The following MAX variants were observed in gnomAD, a reference collection of about 807,000 sequenced individuals.
MAX encodes the protein MYC associated transcriptional regulator X, also known as protein max.
A neutral mutation model predicts 22.3 loss-of-function variants in MAX; 3 were observed. The ratio of observed to expected loss-of-function variants is 0.13; its 90% CI spans 0.06 to 0.35. The LOEUF is 0.35. MAX is among the 10% of genes least tolerant of loss of function. The pLI is 1.00. For synonymous variants in MAX, 72 were observed against 77.7 expected, an observed-to-expected ratio of 0.93 and a Z score of 0.39; for missense variants, 119 against 209.4, an observed-to-expected ratio of 0.57 and a Z score of 2.66.
chr14:65,068,609 A>C (rs2062955794), intron 3 of MAX, among the ~76,000 whole-genome samples: 1 of 151,886 alleles, frequency 6.6e-6, no homozygotes, highest in Admixed American at 6.6e-5. Flanking sequence ...TACATTATTT[A>C]TTTTGTTGCT....
downstream of MAX, among the ~76,000 whole-genome samples, chr14:65,070,669 G>A (rs774110582): frequency 5.3e-5 from 8 of 152,192 alleles, no homozygotes; most frequent in Non-Finnish European, 8.8e-5. This position sits in a 1 kb window ranked among gnomAD's most constrained non-coding sequence, Gnocchi z 4.4. Context: ...TAGAGCATGC[G>A]GGCCCCTCGG....
In MAX at chr14:65,100,162, G is replaced by A. The variant is rs144104223; in HGVS notation, c.63+1384C>T. ...GATTTCTAATCTTTCTTAAAAAATAGGAAGATCGGCTGGGCGTGGTGGCTC... is the reference window on the plus strand; with the variant it reads ...GATTTCTAATCTTTCTTAAAAAATAAGAAGATCGGCTGGGCGTGGTGGCTC... On this transcript the variant is annotated intron_variant, in intron 2 of 4. Coordinates refer to ENST00000358664, the MANE Select transcript of MAX (RefSeq NM_002382.5). Among the ~76,000 whole-genome samples the A allele has an allele frequency of 1.1e-3, 170 of 152,242 alleles. 2 individuals carry two copies. The highest frequency in any genetic ancestry group is 1.5e-3 in the East Asian group (8 of 5,188).
rs764782528 is a variant in MAX, at chr14:65,029,923, G to T, written c.172-23639C>A. On this transcript the variant is annotated intron_variant, in intron 3 of 3. Coordinates refer to the MAX transcript ENST00000341653. This position sits in a 1 kb window ranked among gnomAD's most constrained non-coding sequence, Gnocchi z 4.7. ...AGAGAGAGCAGGAAGACTGATCCAGGTTGAAGAAGGCTTGGATTTGGGTGA... is the reference window on the plus strand; with the variant it reads ...AGAGAGAGCAGGAAGACTGATCCAGTTTGAAGAAGGCTTGGATTTGGGTGA... Among the ~76,000 whole-genome samples, 3 of 152,234 alleles carry T rather than the reference G, an allele frequency of 2.0e-5. No homozygotes were observed. The highest frequency in any genetic ancestry group is 4.4e-5 in the Non-Finnish European group (3 of 68,046).
Position 65,012,317 on chromosome 14 carries a change from G to A in MAX, c.172-6033C>T, listed in dbSNP as rs200043511. 267 of 1,613,964 alleles carry A rather than the reference G, an allele frequency of 1.7e-4. No individual in the cohort carries two copies. Among genetic ancestry groups the A allele is most frequent in the Non-Finnish European group, 2.2e-4 (254 of 1,179,974 alleles). ...GCTTATAAACTGTTTGTCTTTCCAG[G>A]CTTGTTTTGCAGAGGGAGAAGCACT... On this transcript the variant is annotated intron_variant, in intron 3 of 3. Transcript: ENST00000341653. This position sits in a 1 kb window ranked among gnomAD's most constrained non-coding sequence, Gnocchi z 5.0.
rs151222934 is a variant in MAX, at chr14:65,051,940, G to A, written c.171+41768C>T. 4.7e-3 allele frequency among the ~76,000 whole-genome samples: 712 copies of A among 151,660 alleles called. 14 individuals carry two copies. The highest frequency in any genetic ancestry group is 0.043 in the South Asian group (206 of 4,768). On this transcript the variant is annotated intron_variant, in intron 3 of 3. Coordinates refer to the MAX transcript ENST00000341653. ...CTCCTGAGTAGCTGGGACTACAGGC[G>A]CCCACCACCATGTCCGGCTAATTTT... is the stretch of plus-strand genomic sequence containing the variant.
chr14:65,017,146 C>G (rs868745088), intron 3 of MAX, among the ~76,000 whole-genome samples: 5 of 152,066 alleles, frequency 3.3e-5, no homozygotes, highest in African/African-American at 7.3e-5. Flanking sequence ...TGGTCTTGAA[C>G]TCCTGACCTC....
At chr14:65,057,629 T>C (rs1195080690) in intron 3 of MAX, among the ~76,000 whole-genome samples, 1 of 152,206 alleles carries the variant, frequency 6.6e-6, no homozygotes. Flanking sequence ...ATGAAGGGAA[T>C]GAACAAGGCA....
At position 65,032,569 on chromosome 14, in the gene MAX, T is replaced by C. The variant is rs1283517701; in HGVS notation, c.172-26285A>G. The C allele has an allele frequency of 6.2e-7, 1 of 1,607,014 alleles. No homozygotes were observed. The highest frequency in any genetic ancestry group is 1.3e-5 in the African/African-American group (1 of 74,648). ...GGAGTTCACTGAGCCTCATTAGCTC[T>C]TCCGTAGAGCTTAATGTGTTTCCCG... is the stretch of plus-strand genomic sequence containing the variant. On this transcript the variant is annotated intron_variant, in intron 3 of 3. Coordinates refer to the MAX transcript ENST00000341653. This position sits in a 1 kb window ranked among gnomAD's most constrained non-coding sequence, Gnocchi z 5.0.
downstream of MAX, among the ~76,000 whole-genome samples, chr14:65,073,589 A>C (rs2063010915): frequency 6.6e-6 from 1 of 152,182 alleles, no homozygotes; most frequent in Admixed American, 6.5e-5. Flanking sequence ...GTTTTGTGTA[A>C]GTGAGTGTCC....
At chr14:65,097,863 G>C (rs1158447780) in intron 2 of MAX, among the ~76,000 whole-genome samples, 3 of 152,158 alleles carry the variant, frequency 2.0e-5, no homozygotes, top group Non-Finnish European at 4.4e-5. Flanking sequence ...CTCCCTAAGA[G>C]AAAGACATGG....
intron 3 of MAX, among the ~76,000 whole-genome samples, chr14:65,035,447 C>G (rs932307979): frequency 6.6e-6 from 1 of 152,174 alleles, no homozygotes; most frequent in East Asian, 1.9e-4. Flanking sequence ...AGACTAGATA[C>G]GGAACTCAGA....
chr14:65,054,262 G>C lies in MAX; in HGVS notation c.171+39446C>G, dbSNP rs556389344. Among the ~76,000 whole-genome samples the C allele has an allele frequency of 7.2e-5, 11 of 152,126 alleles. No individual in the cohort carries two copies. Among genetic ancestry groups the C allele is most frequent in the Middle Eastern group, 3.4e-3 (1 of 294 alleles). ...CAAGTAACTGGAATTACAGGCATCG[G>C]CCACCACACCTAGCTAATTTTTAAT... On this transcript the variant is annotated intron_variant, in intron 3 of 3. Coordinates refer to the MAX transcript ENST00000341653. The surrounding 1 kb of genome is among the most constrained non-coding windows in gnomAD (Gnocchi z 4.4).
In MAX at chr14:65,029,965, A is replaced by C. The variant is rs1184154917; in HGVS notation, c.172-23681T>G. Among the ~76,000 whole-genome samples the C allele has an allele frequency of 6.6e-6, 1 of 152,172 alleles. No homozygotes were observed. The highest frequency in any genetic ancestry group is 6.5e-5 in the Admixed American group (1 of 15,276). On this transcript the variant is annotated intron_variant, in intron 3 of 3. Transcript: ENST00000341653. The surrounding 1 kb of genome is among the most constrained non-coding windows in gnomAD (Gnocchi z 4.7). ...TTTGGGTGATGGCAGCAAGGATGGA[A>C]AGTTAGTGGACAAATTCAAATTTGA...
intron 3 of MAX, chr14:65,015,774 A>G: frequency 6.3e-7 from 1 of 1,579,296 alleles, no homozygotes; most frequent in South Asian, 1.1e-5. Context: ...TGAGTTTGGG[A>G]TTTTGTTTTG....
Position 65,079,840 on chromosome 14 carries a change from G to C in MAX, c.172-1804C>G, listed in dbSNP as rs1595134899. On this transcript the variant is annotated intron_variant, in intron 3 of 4. Transcript: ENST00000358664. The surrounding 1 kb of genome is among the most constrained non-coding windows in gnomAD (Gnocchi z 4.5). ...TATTCATAAGTCCTCACAAGTACTA[G>C]AATTTCCAGGCTTTCCTCTTTAGCA... 6.6e-6 allele frequency among the ~76,000 whole-genome samples: 1 copy of C among 152,222 alleles called. No individual in the cohort carries two copies. Among genetic ancestry groups the C allele is most frequent in the African/African-American group, 2.4e-5 (1 of 41,456 alleles).
chr14:65,041,491 A>G (rs2062351973), intron 3 of MAX, among the ~76,000 whole-genome samples: 1 of 152,132 alleles, frequency 6.6e-6, no homozygotes, highest in South Asian at 2.1e-4. Context: ...GTGCACAAAC[A>G]CACACACCTC....
chr14:65,063,672 T>C (rs1031695831), intron 3 of MAX, among the ~76,000 whole-genome samples: 3 of 152,130 alleles, frequency 2.0e-5, no homozygotes, highest in African/African-American at 7.2e-5. Context: ...TCAGAAGATC[T>C]TCCTGCCTTA....
rs993117736 is a variant in MAX at position 65,031,551 on chromosome 14, C to T, written c.172-25267G>A. Among the ~76,000 whole-genome samples the T allele has an allele frequency of 4.0e-5, 6 of 150,764 alleles. No individual in the cohort carries two copies. Among genetic ancestry groups the T allele is most frequent in the Non-Finnish European group, 5.9e-5 (4 of 67,510 alleles). ...CAGGTTGGTCTTGAACTCCTGGCCT[C>T]GTGATCCACCTGCCTCAGCCTCCCA... On this transcript the variant is annotated intron_variant, in intron 3 of 3. Transcript: ENST00000341653. The surrounding 1 kb of genome is among the most constrained non-coding windows in gnomAD (Gnocchi z 4.6).
chr14:65,058,610 A>G (rs1288093963), intron 3 of MAX, among the ~76,000 whole-genome samples: 3 of 152,222 alleles, frequency 2.0e-5, no homozygotes, highest in Admixed American at 6.5e-5. Flanking sequence ...TAGTTACATT[A>G]TATCAAGTTA....
Sources: gnomAD v4.1 joint callset for allele counts (sites outside exome capture counted in the v4.1 genomes callset) on GRCh38, gnomAD v4.1.1 for gene constraint, Gnocchi (gnomAD v3.1) non-coding constraint, MANE v1.5 for transcripts, NCBI Gene and HGNC (gene_info 2026-07-23, HGNC 2026-07-21) for gene names.